Variants in ACSS1 observed in about 807,000 individuals in gnomAD.
ACSS1 encodes the protein acyl-CoA synthetase short chain family member 1, also known as acetyl-coenzyme A synthetase 2-like, mitochondrial.
In ACSS1, 42 loss-of-function variants were observed where a neutral mutation model predicts 75.3. The observed-to-expected ratio is 0.56, with a 90% confidence interval of 0.44 to 0.72. The LOEUF (loss-of-function observed/expected upper bound fraction) is 0.72, where lower values mean the gene tolerates loss of function less well. Ranked by LOEUF, ACSS1 falls within the 30% of genes least tolerant of loss-of-function variation. The pLI is 0.00. For synonymous variants in ACSS1, 380 were observed against 376.8 expected (o/e 1.01, Z -0.10); for missense variants, 782 against 935.7 (o/e 0.84, Z 2.14).
chr20:25,020,499 T>C (rs1361833700), intron 6 of ACSS1, among the ~76,000 whole-genome samples: 1 of 152,234 alleles, frequency 6.6e-6, no homozygotes, highest in African/African-American at 2.4e-5. Flanking sequence ...TCACATGGGC[T>C]CTAAAGTGGT....
Position 25,013,596 on chromosome 20 carries a change from C to T in ACSS1, c.1519G>A (p.Ala507Thr). 1 of 1,610,478 alleles carries T rather than the reference C, an allele frequency of 6.2e-7. No individual in the cohort carries two copies. The highest frequency in any genetic ancestry group is 8.5e-7 in the Non-Finnish European group (1 of 1,177,870). ...TGGTGGTCGCCATAGATGGTCCTGGCCATGCCCGGCCAGGCCTGGGAGATG... is the reference window on the plus strand; with the variant it reads ...TGGTGGTCGCCATAGATGGTCCTGGTCATGCCCGGCCAGGCCTGGGAGATG... ...LCISQAWPGMARTIYGDHQRF... is the reference protein window; with the variant it reads ...LCISQAWPGMTRTIYGDHQRF... Residue 507 changes from alanine to threonine, a missense_variant, in exon 10 of 14, where the codon GCC (alanine) becomes ACC (threonine). By Grantham distance (58) the Ala-to-Thr change is moderately conservative (BLOSUM62 0). Coordinates refer to ENST00000323482, the MANE Select transcript of ACSS1 (RefSeq NM_032501.4).
At chr20:25,023,677 C>T (rs778203048) in intron 3 of ACSS1, 36 bp from the exon 4 acceptor site, 1 of 1,549,010 alleles carries the variant, frequency 6.5e-7, no homozygotes, top group South Asian at 1.2e-5. Flanking sequence ...TGATCAGTCT[C>T]CTCCCGACTT....
intron 12 of ACSS1, chr20:25,010,842 G>A (rs911182000): frequency 6.6e-6 from 1 of 152,226 alleles, no homozygotes; most frequent in Non-Finnish European, 1.5e-5. Flanking sequence ...AGAGAGACAA[G>A]AGCCTGGCCA....
intron 5 of ACSS1, among the ~76,000 whole-genome samples, chr20:25,022,360 A>C (rs2088637766): frequency 6.6e-6 from 1 of 151,620 alleles, no homozygotes; most frequent in African/African-American, 2.4e-5. Context: ...GACTCCATGA[A>C]AAAACAAAAC....
intron 2 of ACSS1, among the ~76,000 whole-genome samples, chr20:25,031,427 T>C (rs1171081985): frequency 6.6e-6 from 1 of 152,232 alleles, no homozygotes; most frequent in Non-Finnish European, 1.5e-5. Flanking sequence ...AATATATGCT[T>C]TTAAGATGAT....
chr20:25,045,130 G>A (rs759376962), intron 2 of ACSS1, among the ~76,000 whole-genome samples: 22 of 152,210 alleles, frequency 1.4e-4, no homozygotes, highest in South Asian at 2.1e-4. Context: ...TTGCTAGTGC[G>A]TTCGGGCTGT....
chr20:25,020,133 T>C lies in ACSS1; in HGVS notation c.1123A>G (p.Thr375Ala), dbSNP rs752316723. The change falls in exon 7 of 14, where the codon ACA becomes GCA. Residue 375 changes from threonine (T) to alanine (A), a missense_variant. Thr to Ala is a moderately conservative substitution (Grantham distance 58). Transcript: ENST00000323482. Reference protein sequence around the residue: ...VYPNAGRYWETVERLKINQFY... With the variant: ...VYPNAGRYWEAVERLKINQFY... Reference sequence around the variant, plus strand: ...TGATTGATCTTCAACCTCTCTACTGTCTCCCAGTACCGACCTACAGAAAGG... The same window carrying C: ...TGATTGATCTTCAACCTCTCTACTGCCTCCCAGTACCGACCTACAGAAAGG... 2 of 1,614,152 alleles carry C rather than the reference T, an allele frequency of 1.2e-6. No individual in the cohort carries two copies. The highest frequency in any genetic ancestry group is 1.1e-5 in the South Asian group (1 of 91,080).
In ACSS1 at chr20:25,025,361, C is replaced by T. The variant is rs553461773; in HGVS notation, c.632-1720G>A. On this transcript the variant is annotated intron_variant, in intron 3 of 13. Coordinates refer to ENST00000323482, the MANE Select transcript of ACSS1 (RefSeq NM_032501.4). ...CCCACTGGCGCCCTCCAAGGCTGGGCCACAGCATGGGTGCTGGCAGGAACC... is the reference window on the plus strand; with the variant it reads ...CCCACTGGCGCCCTCCAAGGCTGGGTCACAGCATGGGTGCTGGCAGGAACC... 2.6e-5 allele frequency among the ~76,000 whole-genome samples: 4 copies of T among 152,344 alleles called. No individual in the cohort carries two copies. In the East Asian group the frequency reaches 7.7e-4, roughly 29 times the overall value.
At position 25,007,557 on chromosome 20, in the gene ACSS1, C is replaced by T. The variant is rs2088329976; in HGVS notation, c.*205G>A. On this transcript the variant is annotated 3_prime_UTR_variant, in exon 14 of 14. Transcript: ENST00000323482. ...ACCAGCCCTAGCCATGTCGCATAGC[C>T]TCTCCATGGGTGACACTCCTGGGAC... 1.4e-6 allele frequency: 2 copies of T among 1,411,012 alleles called. No homozygotes were observed. The highest frequency in any genetic ancestry group is 1.8e-6 in the Non-Finnish European group (2 of 1,085,698). 87.4% of individuals were successfully genotyped at this position (1,411,012 alleles called of 1,614,324 possible).
chr20:25,009,066 G>A (rs1263669202), intron 13 of ACSS1, among the ~76,000 whole-genome samples: 1 of 152,236 alleles, frequency 6.6e-6, no homozygotes, highest in East Asian at 1.9e-4. Flanking sequence ...CGACCTCCTG[G>A]ACAAGTAAGC....
chr20:25,007,549 C>T lies in ACSS1; in HGVS notation c.*213G>A. On this transcript the variant is annotated 3_prime_UTR_variant, in exon 14 of 14. Transcript: ENST00000323482. Reference sequence around the variant, plus strand: ...ATGGCAGAACCAGCCCTAGCCATGTCGCATAGCCTCTCCATGGGTGACACT... The same window carrying T: ...ATGGCAGAACCAGCCCTAGCCATGTTGCATAGCCTCTCCATGGGTGACACT... The T allele has an allele frequency of 4.3e-6, 6 of 1,401,978 alleles. No individual in the cohort carries two copies. Among genetic ancestry groups the T allele is most frequent in the South Asian group, 3.2e-5 (2 of 62,372 alleles). The allele number at this position is 1,401,978 out of a possible 1,614,324, so 86.8% of individuals were successfully genotyped here. A position where few individuals can be genotyped will look rare whatever the true frequency, so the allele number is the denominator to read the frequency against.
At chr20:25,023,417 C>G in intron 4 of ACSS1, 49 bp downstream of exon 4, 1 of 1,609,416 alleles carries the variant, frequency 6.2e-7, no homozygotes, top group Non-Finnish European at 8.5e-7. Flanking sequence ...TCAGAGCCAG[C>G]TAACTTGATA....
chr20:25,030,928 G>T lies in ACSS1; in HGVS notation c.462C>A (p.Ala154=). Residue 154 remains alanine, a synonymous_variant, in exon 3 of 14, where the codon GCC becomes GCA. Coordinates refer to ENST00000323482, the MANE Select transcript of ACSS1 (RefSeq NM_032501.4). The part of the protein sequence containing the change: ...RELLETTCRL[A]NTLKRHGVHR... ...GGACTCCATGCCTCTTCAGCGTGTT[G>T]GCCAGGCGGCACGTGGTCTCCAGTA... 6.2e-7 allele frequency: 1 copy of T among 1,614,192 alleles called. No homozygotes were observed. Among genetic ancestry groups the T allele is most frequent in the Non-Finnish European group, 8.5e-7 (1 of 1,180,020 alleles).
chr20:25,040,518 G>A (rs1157904346), intron 2 of ACSS1, among the ~76,000 whole-genome samples: 1 of 152,262 alleles, frequency 6.6e-6, no homozygotes. Flanking sequence ...GCCTAGAGAA[G>A]CATCAAACTC....
intron 2 of ACSS1, among the ~76,000 whole-genome samples, chr20:25,038,077 C>T (rs758118564): frequency 3.3e-5 from 5 of 152,202 alleles, no homozygotes; most frequent in African/African-American, 9.7e-5. Context: ...TGGGCCAAGG[C>T]GGGCCCAGGC....
intron 7 of ACSS1, among the ~76,000 whole-genome samples, chr20:25,017,312 C>T (rs933962739): frequency 3.9e-5 from 6 of 152,338 alleles, no homozygotes; most frequent in Admixed American, 1.3e-4. Flanking sequence ...GACGACTCAA[C>T]GGATTAAATG....
At chr20:25,015,506 A>G (rs1293447919) in intron 7 of ACSS1, among the ~76,000 whole-genome samples, 1 of 152,158 alleles carries the variant, frequency 6.6e-6, no homozygotes, top group East Asian at 1.9e-4. Context: ...CATGTTGGCC[A>G]GGCTGGTCTC....
chr20:25,006,655 C>A lies in ACSS1; in HGVS notation c.*1107G>T. 1.4e-6 allele frequency: 1 copy of A among 716,396 alleles called. No individual in the cohort carries two copies. Among genetic ancestry groups the A allele is most frequent in the Non-Finnish European group, 2.2e-6 (1 of 458,996 alleles). 44.4% of individuals were successfully genotyped at this position (716,396 alleles called of 1,614,324 possible). On this transcript the variant is annotated 3_prime_UTR_variant, in exon 14 of 14. Transcript: ENST00000323482. ...CTCCTTCCCCTGCCAACCGCCAGCC[C>A]CTGCATGCCTAGCAGGGAGGTAAGC...
intron 2 of ACSS1, among the ~76,000 whole-genome samples, chr20:25,047,827 A>G (rs2122750288): frequency 6.6e-6 from 1 of 151,742 alleles, no homozygotes; most frequent in South Asian, 2.1e-4. Flanking sequence ...CTTAAAAACA[A>G]AACAACTCTA....
Sources: gnomAD v4.1 joint callset for allele counts (sites outside exome capture counted in the v4.1 genomes callset) on GRCh38, gnomAD v4.1.1 for gene constraint, MANE v1.5 for transcripts, NCBI Gene and HGNC (gene_info 2026-07-23, HGNC 2026-07-21) for gene names.